Variants in CHEK2 observed in about 807,000 individuals in gnomAD.
CHEK2 encodes serine/threonine-protein kinase Chk2.
Under a neutral mutation model 69.1 loss-of-function variants are expected in CHEK2, and 71 were observed. That is an observed-to-expected ratio of 1.03 (90% CI 0.85 to 1.25). The LOEUF (loss-of-function observed/expected upper bound fraction) is 1.25. Ranked by LOEUF, CHEK2 falls within the 50% of genes most tolerant of loss-of-function variation. The pLI is 0.00. For missense variants in CHEK2, 664 were observed against 649.6 expected, an observed-to-expected ratio of 1.02 and a Z score of -0.24; for synonymous variants, 189 against 226.9, an observed-to-expected ratio of 0.83 and a Z score of 1.50.
At chr22:28,729,120 CCAGA>C (rs1264515028) in intron 2 of CHEK2, among the ~76,000 whole-genome samples, 1 of 152,080 alleles carries the variant, frequency 6.6e-6, no homozygotes, top group African/African-American at 2.4e-5. Context: ...CATACCAAAA[CCAGA>C]CAGAGACATC....
In CHEK2 at chr22:28,719,499, G is replaced by C. The variant is rs145754558; in HGVS notation, c.593-14C>G. ...AAAAGACAAAAACTAAGGAAGAAAA[G>C]AGTAGAAATGGGTTTCATTAATTTA... is the stretch of plus-strand genomic sequence containing the variant. On this transcript the variant is annotated splice_polypyrimidine_tract_variant and intron_variant, in intron 4 of 14. Transcript: ENST00000404276. 3 of 1,457,624 alleles carry C rather than the reference G, an allele frequency of 2.1e-6. No homozygotes were observed. Among genetic ancestry groups the C allele is most frequent in the Middle Eastern group, 1.8e-4 (1 of 5,652 alleles). 90.3% of individuals were successfully genotyped at this position (1,457,624 alleles called of 1,614,324 possible). A position where few individuals can be genotyped will look rare whatever the true frequency, so the allele number is the denominator to read the frequency against.
chr22:28,738,434 T>G (rs1248338276), intron 1 of CHEK2, among the ~76,000 whole-genome samples: 3 of 152,098 alleles, frequency 2.0e-5, no homozygotes, highest in Non-Finnish European at 4.4e-5. Context: ...GACACTTGAG[T>G]GAAACTGTGC....
rs1308200351 is a variant in CHEK2, at chr22:28,734,529, T to C, written c.193A>G (p.Thr65Ala). 6.2e-7 allele frequency: 1 copy of C among 1,613,864 alleles called. No homozygotes were observed. Among genetic ancestry groups the C allele is most frequent in the Admixed American group, 1.7e-5 (1 of 59,958 alleles). ...GAATAGAGTTCCTGAGTGGACACTG[T>C]CTCTAAGGAGCTCAGTGTCCCAGAG... is the stretch of plus-strand genomic sequence containing the variant. ...SSSGTLSSLE[T>A]VSTQELYSIP... The change falls in exon 2 of 15, where the codon ACA (threonine) becomes GCA (alanine). Residue 65 changes from threonine to alanine, a missense_variant. By Grantham distance (58) the Thr-to-Ala change is moderately conservative. Coordinates refer to ENST00000404276, the MANE Select transcript of CHEK2 (RefSeq NM_007194.4).
chr22:28,695,213 T>C lies in CHEK2; in HGVS notation c.1289A>G (p.His430Arg), dbSNP rs2052522389. ...CLSGYPPFSE[H>R]RTQVSLKDQI... ...ATCCTTCAGTGACACTTGAGTCCTA[T>C]GCTCAGAGAAAGGTGGATACCCACT... The change falls in exon 12 of 15, where the codon CAT (histidine) becomes CGT (arginine). Residue 430 changes from histidine (H) to arginine (R), a missense_variant. His to Arg is a conservative substitution (Grantham distance 29). Transcript: ENST00000404276. 1.2e-6 allele frequency: 2 copies of C among 1,612,578 alleles called. No homozygotes were observed. Among genetic ancestry groups the C allele is most frequent in the South Asian group, 1.1e-5 (1 of 91,038 alleles).
At chr22:28,737,312 G>A (rs1015225311) in intron 1 of CHEK2, 1 of 478,742 alleles carries the variant, frequency 2.1e-6, no homozygotes, top group South Asian at 1.6e-5. Flanking sequence ...ATATTAAATT[G>A]AGATCTTTCA....
chr22:28,726,523 T>C (rs1287686989), intron 2 of CHEK2, among the ~76,000 whole-genome samples: 2 of 145,816 alleles, frequency 1.4e-5, no homozygotes, highest in Non-Finnish European at 1.5e-5. Context: ...CAATATAACA[T>C]ATATTATATA....
intron 7 of CHEK2, 143 bp from the exon 8 acceptor site, chr22:28,703,709 C>A: frequency 1.5e-6 from 1 of 652,444 alleles, no homozygotes; most frequent in South Asian, 1.8e-5. Context: ...GAAGTTCAAT[C>A]AGGGGAGAAG....
At chr22:28,729,747 A>G (rs1203727853) in intron 2 of CHEK2, among the ~76,000 whole-genome samples, 1 of 151,862 alleles carries the variant, frequency 6.6e-6, no homozygotes, top group Non-Finnish European at 1.5e-5. Flanking sequence ...CCTAATAAAG[A>G]GCTTTTATTT....
intron 4 of CHEK2, among the ~76,000 whole-genome samples, chr22:28,723,060 T>G (rs2053855693): frequency 6.6e-6 from 1 of 152,228 alleles, no homozygotes; most frequent in African/African-American, 2.4e-5. Flanking sequence ...CTAATCACGC[T>G]GAGCTACTTT....
At chr22:28,716,831 G>A (rs1387973034) in intron 5 of CHEK2, among the ~76,000 whole-genome samples, 1 of 152,170 alleles carries the variant, frequency 6.6e-6, no homozygotes, top group East Asian at 1.9e-4. Flanking sequence ...CCAAGACCTT[G>A]CAGGGCATCC....
At chr22:28,698,350 G>A (rs955513440) in intron 9 of CHEK2, among the ~76,000 whole-genome samples, 6 of 151,708 alleles carry the variant, frequency 4.0e-5, no homozygotes, top group Non-Finnish European at 7.4e-5. Context: ...AGCCGAGATC[G>A]TGCCATTGGA....
Position 28,725,072 on chromosome 22 carries a change from T to C in CHEK2, c.497A>G (p.Asn166Ser), listed in dbSNP as rs587782413. The C allele has an allele frequency of 1.2e-6, 2 of 1,614,062 alleles. No homozygotes were observed. Among genetic ancestry groups the C allele is most frequent in the Non-Finnish European group, 1.7e-6 (2 of 1,180,020 alleles). Reference protein sequence around the residue: ...YIAYIEDHSGNGTFVNTELVG... With the variant: ...YIAYIEDHSGSGTFVNTELVG... ...AAGCTCTGTATTTACAAAGGTTCCA[T>C]TGCCACTGTGATCTTCTATGTATGC... Residue 166 changes from asparagine to serine, a missense_variant, in exon 4 of 15, where the codon AAT becomes AGT. Transcript: ENST00000404276.
intron 7 of CHEK2, among the ~76,000 whole-genome samples, chr22:28,709,637 G>T (rs988787678): frequency 6.0e-5 from 9 of 150,570 alleles, no homozygotes; most frequent in Non-Finnish European, 1.2e-4. Context: ...TTTTTTTTCT[G>T]AGACAGTCTC....
At chr22:28,707,236 C>T (rs1355871892) in intron 7 of CHEK2, among the ~76,000 whole-genome samples, 2 of 152,186 alleles carry the variant, frequency 1.3e-5, no homozygotes, top group African/African-American at 4.8e-5. Flanking sequence ...ACTGGGAAAG[C>T]AGTTCAGGGA....
intron 4 of CHEK2, among the ~76,000 whole-genome samples, chr22:28,724,244 A>G (rs1173690927): frequency 6.6e-6 from 1 of 152,102 alleles, no homozygotes; most frequent in African/African-American, 2.4e-5. Context: ...CGTCTCTACT[A>G]AAAGTACAAA....
At position 28,725,317 on chromosome 22, in the gene CHEK2, A is replaced by AAT; in HGVS notation, c.368_369dup (p.Cys124IlefsTer8). 1 of 1,614,072 alleles carries AAT rather than the reference A, an allele frequency of 6.2e-7. No homozygotes were observed. Among genetic ancestry groups the AAT allele is most frequent in the Non-Finnish European group, 8.5e-7 (1 of 1,179,930 alleles). On this transcript the variant is annotated frameshift_variant, in exon 3 of 15. Coordinates refer to ENST00000404276, the MANE Select transcript of CHEK2 (RefSeq NM_007194.4). LOFTEE classifies it high-confidence loss of function. Reference sequence around the variant, plus strand: ...CTTTTCAGCAGTGGTTCATCAAAGCAATATTCACAGCTTTTGTCCCTCCCA... The same window carrying AAT: ...CTTTTCAGCAGTGGTTCATCAAAGCAATATATTCACAGCTTTTGTCCCTCCCA...
rs730881698 is a variant in CHEK2, at chr22:28,734,398, C to G, written c.319+5G>C. ...AACGTGATACTATACAACAAAGGGT[C>G]TTACCAAGATTGGCAAATCCATCCT... On this transcript the variant is annotated splice_donor_5th_base_variant and intron_variant, in intron 2 of 14. Transcript: ENST00000404276. 1 of 1,613,538 alleles carries G rather than the reference C, an allele frequency of 6.2e-7. No homozygotes were observed. The highest frequency in any genetic ancestry group is 1.1e-5 in the South Asian group (1 of 91,056).
intron 13 of CHEK2, among the ~76,000 whole-genome samples, chr22:28,693,455 C>A (rs2052441580): frequency 6.6e-6 from 1 of 152,162 alleles, no homozygotes; most frequent in African/African-American, 2.4e-5. Flanking sequence ...TCCTCCTCCC[C>A]CTCCCCCACT....
rs2146158167 is a variant in CHEK2, at chr22:28,734,741, T to C, written c.-6-14A>G. ...AGACATCACGACCTCAAAAAGAAAG[T>C]GTCCAACAACAAAGGTGAGTTTCAA... On this transcript the variant is annotated splice_polypyrimidine_tract_variant and intron_variant, in intron 1 of 14. Transcript: ENST00000404276. The C allele has an allele frequency of 6.3e-7, 1 of 1,597,784 alleles. No homozygotes were observed. Among genetic ancestry groups the C allele is most frequent in the Non-Finnish European group, 8.5e-7 (1 of 1,172,756 alleles).
Sources: gnomAD v4.1 joint callset for allele counts (sites outside exome capture counted in the v4.1 genomes callset) on GRCh38, gnomAD v4.1.1 for gene constraint, MANE v1.5 for transcripts, NCBI Gene and HGNC (gene_info 2026-07-23, HGNC 2026-07-21) for gene names.